RGS20: variants seen among roughly 807,000 people sequenced by gnomAD.
RGS20 encodes gz-selective GTPase-activating protein.
A neutral mutation model predicts 33.6 loss-of-function variants in RGS20; 30 were observed. The ratio of observed to expected loss-of-function variants is 0.89; its 90% confidence interval spans 0.67 to 1.21. The LOEUF is 1.21. Among genes scored for constraint, RGS20 ranks in the 50% most tolerant of loss-of-function variants. The pLI is 0.00. For missense variants in RGS20, 472 were observed against 502.4 expected, an observed-to-expected ratio of 0.94 and a Z score of 0.58; for synonymous variants, 208 against 197.9, an observed-to-expected ratio of 1.05 and a Z score of -0.43.
chr8:53,906,302 G>A (rs963839221), intron 2 of RGS20, among the ~76,000 whole-genome samples: 3 of 152,070 alleles, frequency 2.0e-5, no homozygotes, highest in African/African-American at 7.2e-5. Flanking sequence ...CTTGAACCCG[G>A]GAGGTGGAGG....
At chr8:53,858,881 G>T (rs1811742075) in intron 1 of RGS20, among the ~76,000 whole-genome samples, 1 of 144,762 alleles carries the variant, frequency 6.9e-6, no homozygotes, top group Non-Finnish European at 1.5e-5. Context: ...CAATGGAACT[G>T]GGGTTATGTT....
At chr8:53,941,754 G>A (rs1448293190) in intron 3 of RGS20, among the ~76,000 whole-genome samples, 8 of 152,054 alleles carry the variant, frequency 5.3e-5, no homozygotes, top group African/African-American at 1.9e-4. Flanking sequence ...ATCAGCAAAG[G>A]AGAAAATGAA....
intron 2 of RGS20, 39 bp from the exon 2 acceptor site, chr8:53,939,537 A>C (rs2129290092): frequency 6.9e-7 from 1 of 1,447,098 alleles, no homozygotes; most frequent in South Asian, 1.5e-5. Context: ...ATAACGCTGG[A>C]ACCCCCTCCC....
intron 1 of RGS20, among the ~76,000 whole-genome samples, chr8:53,863,822 G>T (rs140045445): frequency 8.6e-5 from 13 of 150,736 alleles, no homozygotes; most frequent in African/African-American, 3.2e-4. Flanking sequence ...TGCTTCCCCG[G>T]TTCAAGCAAT....
At chr8:53,889,012 A>G (rs944121443) in intron 2 of RGS20, among the ~76,000 whole-genome samples, 3 of 152,240 alleles carry the variant, frequency 2.0e-5, no homozygotes, top group Non-Finnish European at 4.4e-5. Context: ...TGCTAATATG[A>G]ACATTCTCAT....
intron 2 of RGS20, among the ~76,000 whole-genome samples, chr8:53,929,906 T>G: frequency 6.6e-6 from 1 of 152,324 alleles, no homozygotes; most frequent in African/African-American, 2.4e-5. Flanking sequence ...TAGCACAGCT[T>G]ATTTTATACC....
chr8:53,852,016 C>T lies in RGS20; in HGVS notation c.117C>T (p.His39=), dbSNP rs1325925092. The stretch of plus-strand genomic sequence containing the variant: ...CTCAGAGATATAATACAGACATTCA[C>T]CAAATCACAGAAAATGAAGGAGACC... The change falls in exon 1 of 6, where the codon CAC becomes CAT. Residue 39 remains histidine, a synonymous_variant. Coordinates refer to ENST00000297313, the MANE Select transcript of RGS20 (RefSeq NM_170587.4). 7 of 1,614,030 alleles carry T rather than the reference C, an allele frequency of 4.3e-6. No homozygotes were observed. The highest frequency in any genetic ancestry group is 3.3e-5 in the South Asian group (3 of 91,076).
In RGS20 at chr8:53,947,401, AGATATAGTACATTTATATATGCTATATAT is replaced by A. The variant is rs1301051005; in HGVS notation, c.743+663_743+691del. On this transcript the variant is annotated intron_variant, in intron 4 of 5. Transcript: ENST00000297313. ...AGTATATTTATATATGCTATATATA[AGATATAGTACATTTATATATGCTATATAT>A]GATATAGTATATACATTTATATATG... 2.4e-4 allele frequency among the ~76,000 whole-genome samples: 27 copies of A among 114,292 alleles called. 1 individual carries two copies. The South Asian group carries it at 2.6e-3, about 11-fold the overall frequency. 75.0% of individuals were successfully genotyped at this position (114,292 alleles called of 152,430 possible). A position where few individuals can be genotyped will look rare whatever the true frequency, so the allele number is the denominator to read the frequency against.
At chr8:53,866,893 T>C (rs1811933076) in intron 1 of RGS20, among the ~76,000 whole-genome samples, 1 of 152,078 alleles carries the variant, frequency 6.6e-6, no homozygotes, top group Admixed American at 6.6e-5. Context: ...GCTTCCTCTG[T>C]AAGGTGGAAG....
chr8:53,917,538 C>A (rs866584001), intron 2 of RGS20, among the ~76,000 whole-genome samples: 12 of 152,212 alleles, frequency 7.9e-5, no homozygotes, highest in African/African-American at 2.7e-4. Flanking sequence ...AAACTGGTAA[C>A]TCTACACTCC....
intron 1 of RGS20, among the ~76,000 whole-genome samples, chr8:53,872,200 T>C (rs1008471279): frequency 1.3e-5 from 2 of 152,198 alleles, no homozygotes; most frequent in Non-Finnish European, 2.9e-5. Flanking sequence ...AACCTGTCCA[T>C]TTATTTATGT....
intron 2 of RGS20, among the ~76,000 whole-genome samples, 163 bp downstream of exon 1, chr8:53,881,247 C>A (rs1348420518): frequency 6.6e-6 from 1 of 151,860 alleles, no homozygotes; most frequent in East Asian, 2.0e-4. Context: ...GGGTTCCTTC[C>A]CGCAGTGCGA....
At chr8:53,927,842 C>T (rs1345560661) in intron 2 of RGS20, among the ~76,000 whole-genome samples, 1 of 152,168 alleles carries the variant, frequency 6.6e-6, no homozygotes, top group Admixed American at 6.5e-5. Context: ...CTAATTAGAT[C>T]CTATACCGAT....
At chr8:53,914,830 A>G (rs571786831) in intron 2 of RGS20, 2 of 152,322 alleles carry the variant, frequency 1.3e-5, no homozygotes, top group South Asian at 4.2e-4. Context: ...AAAAGAAAAA[A>G]AAAGAAAAAA....
intron 1 of RGS20, among the ~76,000 whole-genome samples, chr8:53,869,428 C>G (rs1269803184): frequency 2.6e-5 from 4 of 152,120 alleles, no homozygotes; most frequent in African/African-American, 9.7e-5. Context: ...GTAATCCCAG[C>G]ATTTTGATAG....
chr8:53,913,636 A>G (rs997899232), intron 2 of RGS20: 9 of 152,282 alleles, frequency 5.9e-5, no homozygotes, highest in Admixed American at 4.6e-4. Context: ...AGAGGGAAGA[A>G]GGGCAAGTGG....
At chr8:53,879,801 G>A (rs1461208754) in intron 2 of RGS20, 6 of 476,860 alleles carry the variant, frequency 1.3e-5, no homozygotes, top group Non-Finnish European at 2.2e-5. Context: ...CCCTCCCCGC[G>A]GGAAGACACT....
At chr8:53,870,713 C>G (rs1812043848) in intron 1 of RGS20, among the ~76,000 whole-genome samples, 1 of 152,154 alleles carries the variant, frequency 6.6e-6, no homozygotes, top group Admixed American at 6.6e-5. Flanking sequence ...GGCTTTGAGA[C>G]AGCCTGTGGA....
intron 2 of RGS20, among the ~76,000 whole-genome samples, chr8:53,920,946 G>C (rs965435982): frequency 6.6e-6 from 1 of 152,112 alleles, no homozygotes; most frequent in African/African-American, 2.4e-5. Flanking sequence ...TTTTAGTAGA[G>C]ATAGGGTTTC....
Sources: gnomAD v4.1 joint callset for allele counts (sites outside exome capture counted in the v4.1 genomes callset) on GRCh38, gnomAD v4.1.1 for gene constraint, MANE v1.5 for transcripts, NCBI Gene and HGNC (gene_info 2026-07-23, HGNC 2026-07-21) for gene names.